RHCG: variants seen among roughly 807,000 people sequenced by gnomAD.
RHCG encodes the protein ammonium transporter Rh type C.
In RHCG, 39 loss-of-function variants were observed where a neutral mutation model predicts 55.3. The ratio of observed to expected loss-of-function variants is 0.70; its 90% CI spans 0.55 to 0.92. The LOEUF (loss-of-function observed/expected upper bound fraction) is 0.92, where lower values mean the gene tolerates loss of function less well. Ranked by LOEUF, RHCG falls within the 40% of genes least tolerant of loss-of-function variation. RHCG has a pLI of 0.00. For synonymous variants in RHCG, 250 were observed against 246.8 expected (o/e 1.01, Z -0.12); for missense variants, 635 against 627.9 (o/e 1.01, Z -0.12).
At chr15:89,475,152 TCCTTCCTTCCTGCCTG>T (rs1961122787) in intron 9 of RHCG, among the ~76,000 whole-genome samples, 1 of 134,378 alleles carries the variant, frequency 7.4e-6, no homozygotes, top group African/African-American at 2.7e-5. Context: ...CTTCATTCCT[TCCTTCCTTCCTGCCTG>T]CCTGCCTTCC....
intron 1 of RHCG, among the ~76,000 whole-genome samples, chr15:89,494,559 G>A (rs1461044652): frequency 6.6e-6 from 1 of 152,010 alleles, no homozygotes; most frequent in Non-Finnish European, 1.5e-5. Context: ...CTGGGGAGAT[G>A]TAAGGACTGT....
intron 1 of RHCG, among the ~76,000 whole-genome samples, chr15:89,496,137 A>T (rs1961561651): frequency 6.6e-6 from 1 of 152,202 alleles, no homozygotes; most frequent in Non-Finnish European, 1.5e-5. Flanking sequence ...AGGGCGGTCA[A>T]ATAAAAACCT....
At chr15:89,490,778 G>A (rs1290699768) in intron 1 of RHCG, among the ~76,000 whole-genome samples, 1 of 151,028 alleles carries the variant, frequency 6.6e-6, no homozygotes, top group Non-Finnish European at 1.5e-5. Context: ...AATTTCAGAT[G>A]ACCAGGGGGG....
At chr15:89,494,027 T>C (rs986190211) in intron 1 of RHCG, among the ~76,000 whole-genome samples, 7 of 152,138 alleles carry the variant, frequency 4.6e-5, no homozygotes, top group Admixed American at 6.5e-5. Flanking sequence ...CCAGGAGAAC[T>C]AGCAGGGGAA....
At chr15:89,478,513 G>C (rs984615674) in intron 5 of RHCG, among the ~76,000 whole-genome samples, 1 of 152,172 alleles carries the variant, frequency 6.6e-6, no homozygotes, top group African/African-American at 2.4e-5. Context: ...GCGAAACTGA[G>C]GTGAGGGGGG....
chr15:89,479,799 G>T (rs917604056), intron 4 of RHCG: 1 of 417,150 alleles, frequency 2.4e-6, no homozygotes, highest in South Asian at 3.1e-5. Flanking sequence ...CCTCCACATG[G>T]CACTGCTTTC....
intron 10 of RHCG, 109 bp downstream of exon 10, chr15:89,472,602 A>G: frequency 8.7e-7 from 1 of 1,146,800 alleles, no homozygotes; most frequent in East Asian, 2.6e-5. Flanking sequence ...GGAAGCCCTC[A>G]TTTCTTGATG....
intron 9 of RHCG, among the ~76,000 whole-genome samples, chr15:89,474,760 T>TCCTG (rs1433563576): frequency 0.03 from 3,966 of 133,286 alleles, 374 homozygotes; most frequent in African/African-American, 0.13. Flanking sequence ...CTGCCTTCCT[T>TCCTG]CCTGCCTTCC....
At chr15:89,489,271 C>T (rs911191164) in intron 1 of RHCG, among the ~76,000 whole-genome samples, 14 of 151,932 alleles carry the variant, frequency 9.2e-5, no homozygotes, top group African/African-American at 2.7e-4. Context: ...CATGTGCCAC[C>T]ACACCCAGCT....
intron 4 of RHCG, 25 bp from the exon 5 acceptor site, chr15:89,479,513 G>A (rs1201528539): frequency 1.3e-6 from 2 of 1,589,642 alleles, no homozygotes; most frequent in African/African-American, 1.3e-5. Context: ...CAGGCCCAAT[G>A]GGCCCGGGAG....
rs1419664624 is a variant in RHCG at position 89,472,263 on chromosome 15, C to T, written c.*25-408G>A. On this transcript the variant is annotated intron_variant, in intron 10 of 10. Transcript: ENST00000268122. ...GCCATGAGCAAGGGCTTGGTGCATT[C>T]CACAGAGGAGGCACAGTGTTAGTTG... Among the ~76,000 whole-genome samples the T allele has an allele frequency of 3.3e-5, 5 of 152,272 alleles. No individual in the cohort carries two copies. The East Asian group carries it at 9.6e-4, about 29-fold the overall frequency.
chr15:89,486,821 A>G lies in RHCG; in HGVS notation c.349T>C (p.Tyr117His). The G allele has an allele frequency of 6.3e-7, 1 of 1,597,592 alleles. No individual in the cohort carries two copies. The highest frequency in any genetic ancestry group is 8.6e-7 in the Non-Finnish European group (1 of 1,167,814). ...QGWFHFLQDR[Y>H]IVVGVENLIN... is the part of the protein sequence containing the mutation. ...CACTTCTCCACGCCCACGACGATGTAGCGGTCTTGTAAGAAGTGGAACCAG... is the reference window on the plus strand; with the variant it reads ...CACTTCTCCACGCCCACGACGATGTGGCGGTCTTGTAAGAAGTGGAACCAG... Residue 117 changes from tyrosine to histidine, a missense_variant, in exon 2 of 11, where the codon TAC (tyrosine) becomes CAC (histidine). By Grantham distance (83) the Tyr-to-His change is moderately conservative. Coordinates refer to ENST00000268122, the MANE Select transcript of RHCG (RefSeq NM_016321.3).
intron 2 of RHCG, 200 bp downstream of exon 2, chr15:89,486,599 A>AGAGAGAGGGTGTGTGT: frequency 4.2e-6 from 1 of 236,650 alleles, no homozygotes; most frequent in Non-Finnish European, 8.0e-6. Context: ...AGAGAGAGAG[A>AGAGAGAGGGTGTGTGT]GTGTGTGTGT....
chr15:89,475,465 C>T (rs1321722854), intron 9 of RHCG, among the ~76,000 whole-genome samples: 1 of 152,114 alleles, frequency 6.6e-6, no homozygotes, highest in East Asian at 1.9e-4. Context: ...AGGCTGGTCT[C>T]GAACTCCTGA....
At position 89,485,847 on chromosome 15, in the gene RHCG, T is replaced by C. The variant is rs140960548; in HGVS notation, c.371+952A>G. On this transcript the variant is annotated intron_variant, in intron 2 of 10. Transcript: ENST00000268122. ...GTAGGACCAGAGCAACACAAATTGCTATAGGTTTCATAAGTTGCCATGGGA... is the reference window on the plus strand; with the variant it reads ...GTAGGACCAGAGCAACACAAATTGCCATAGGTTTCATAAGTTGCCATGGGA... Among the ~76,000 whole-genome samples, 1,421 of 152,354 alleles carry C rather than the reference T, an allele frequency of 9.3e-3. 24 individuals carry two copies. Among genetic ancestry groups the C allele is most frequent in the African/African-American group, 0.033 (1,352 of 41,570 alleles).
chr15:89,495,299 T>C (rs1961546080), intron 1 of RHCG, among the ~76,000 whole-genome samples: 2 of 152,174 alleles, frequency 1.3e-5, no homozygotes, highest in African/African-American at 4.8e-5. Flanking sequence ...TGCAGTTGTT[T>C]TCTTGGAGAT....
chr15:89,479,511 A>G (rs542393740), intron 4 of RHCG, 23 bp from the exon 5 acceptor site: 9 of 1,596,500 alleles, frequency 5.6e-6, no homozygotes, highest in Admixed American at 5.2e-5. Context: ...GACAGGCCCA[A>G]TGGGCCCGGG....
At chr15:89,478,592 C>T (rs766053725) in intron 5 of RHCG, among the ~76,000 whole-genome samples, 1 of 152,152 alleles carries the variant, frequency 6.6e-6, no homozygotes, top group Non-Finnish European at 1.5e-5. Context: ...GGTTGTGTGG[C>T]CCCAGAGTCC....
At chr15:89,476,294 C>T (rs1192322696) in intron 9 of RHCG, among the ~76,000 whole-genome samples, 1 of 152,080 alleles carries the variant, frequency 6.6e-6, no homozygotes, top group Admixed American at 6.5e-5. Flanking sequence ...AGTCTCAAAC[C>T]CCCAGGCTCA....
Sources: gnomAD v4.1 joint callset for allele counts (sites outside exome capture counted in the v4.1 genomes callset) on GRCh38, gnomAD v4.1.1 for gene constraint, MANE v1.5 for transcripts, NCBI Gene and HGNC (gene_info 2026-07-23, HGNC 2026-07-21) for gene names.